Variants in KDM2A observed in about 807,000 individuals in gnomAD.
KDM2A encodes the protein lysine demethylase 2A.
Under a neutral mutation model 137.3 loss-of-function variants are expected in KDM2A, and 3 were observed. That is an observed-to-expected ratio of 0.02 (90% CI 0.01 to 0.06). The LOEUF (loss-of-function observed/expected upper bound fraction) is 0.06. KDM2A is among the 10% of genes least tolerant of loss of function. KDM2A has a pLI of 1.00. For missense variants in KDM2A, 738 were observed against 1,510.6 expected, an observed-to-expected ratio of 0.49 and a Z score of 8.48; for synonymous variants, 512 against 541.5, an observed-to-expected ratio of 0.95 and a Z score of 0.76.
intron 5 of KDM2A, among the ~76,000 whole-genome samples, chr11:67,186,029 C>T (rs1857197153): frequency 6.6e-6 from 1 of 151,960 alleles, no homozygotes; most frequent in Non-Finnish European, 1.5e-5. Flanking sequence ...GACCAACATA[C>T]ACATTATAGA....
intron 17 of KDM2A, among the ~76,000 whole-genome samples, chr11:67,251,624 C>G (rs1299194383): frequency 1.3e-5 from 2 of 152,196 alleles, no homozygotes; most frequent in Non-Finnish European, 2.9e-5. Context: ...TCATAGGCCT[C>G]TTAAATCAGA....
rs1590781518 is a variant in KDM2A, at chr11:67,203,713, C to T, written c.308-3797C>T. Among the ~76,000 whole-genome samples the T allele has an allele frequency of 2.7e-5, 4 of 150,940 alleles. No homozygotes were observed. In the Middle Eastern group the frequency reaches 0.014, roughly 524 times the overall value. On this transcript the variant is annotated intron_variant, in intron 5 of 20. Transcript: ENST00000529006. The stretch of plus-strand genomic sequence containing the variant: ...AGGTTGCATTGAGTCTAGATTGTGC[C>T]ACTGCACTCCAGCCTGGGTGACAGA...
rs1227629779 is a variant in KDM2A, at chr11:67,231,761, C to G, written c.1280C>G (p.Ser427Cys). 7 of 1,613,920 alleles carry G rather than the reference C, an allele frequency of 4.3e-6. No individual in the cohort carries two copies. Among genetic ancestry groups the G allele is most frequent in the Non-Finnish European group, 5.9e-6 (7 of 1,179,904 alleles). ...LKKTLAGDSS[S>C]DCSRGSHNGQ... ...AAAACTTTGGCTGGGGACTCATCTT[C>G]TGACTGTAGCCGGGGCTCCCACAAT... is the stretch of plus-strand genomic sequence containing the variant. The change falls in exon 12 of 21, where the codon TCT (serine) becomes TGT (cysteine). Residue 427 changes from serine to cysteine, a missense_variant. Coordinates refer to ENST00000529006, the MANE Select transcript of KDM2A (RefSeq NM_012308.3).
At position 67,255,353 on chromosome 11, in the gene KDM2A, G is replaced by T; in HGVS notation, c.*298G>T. 2.2e-6 allele frequency: 1 copy of T among 462,760 alleles called. No individual in the cohort carries two copies. Among genetic ancestry groups the T allele is most frequent in the East Asian group, 4.8e-5 (1 of 20,680 alleles). 28.7% of individuals were successfully genotyped at this position (462,760 alleles called of 1,614,324 possible). ...CGCCTGCCAGGAGGCCGGGCTCTCAGTTTGGGGTGTTTGTGCAACCTTCAT... is the reference window on the plus strand; with the variant it reads ...CGCCTGCCAGGAGGCCGGGCTCTCATTTTGGGGTGTTTGTGCAACCTTCAT... On this transcript the variant is annotated 3_prime_UTR_variant, in exon 21 of 21. Coordinates refer to ENST00000529006, the MANE Select transcript of KDM2A (RefSeq NM_012308.3).
chr11:67,188,693 A>G (rs933427750), intron 5 of KDM2A, among the ~76,000 whole-genome samples: 1 of 147,988 alleles, frequency 6.8e-6, no homozygotes, highest in African/African-American at 2.5e-5. Context: ...CAGGAAGCTG[A>G]GGTGGGAGTG....
At chr11:67,190,131 C>T (rs918422943) in intron 5 of KDM2A, among the ~76,000 whole-genome samples, 7 of 151,972 alleles carry the variant, frequency 4.6e-5, no homozygotes, top group African/African-American at 1.7e-4. Flanking sequence ...AAGTGAGGGC[C>T]GAGCGCGGTG....
chr11:67,177,878 ATGTGT>A (rs2136332332), intron 2 of KDM2A, among the ~76,000 whole-genome samples: 1 of 152,292 alleles, frequency 6.6e-6, no homozygotes, highest in African/African-American at 2.4e-5. Context: ...AACGAGAGTA[ATGTGT>A]TGTGCTATGA....
chr11:67,195,592 A>G (rs1018133205), intron 5 of KDM2A: 2 of 154,578 alleles, frequency 1.3e-5, no homozygotes, highest in Admixed American at 1.3e-4. Context: ...CTCTGGTGTA[A>G]TAGAGCTGTA....
Position 67,121,366 on chromosome 11 carries a change from T to C in KDM2A, c.42+8T>C. ...CGTTACAGCCAGAGATTGGTTAGTA[T>C]TTTCTCCCCCCACCACACCCTCCAG... On this transcript the variant is annotated splice_region_variant and intron_variant, in intron 2 of 20. Coordinates refer to ENST00000529006, the MANE Select transcript of KDM2A (RefSeq NM_012308.3). The C allele has an allele frequency of 5.6e-6, 9 of 1,612,844 alleles. No individual in the cohort carries two copies. Among genetic ancestry groups the C allele is most frequent in the Admixed American group, 3.3e-5 (2 of 60,002 alleles).
In KDM2A at chr11:67,137,498, AACT is replaced by A. The variant is rs555216088; in HGVS notation, c.42+16142_42+16144del. 6.3e-4 allele frequency among the ~76,000 whole-genome samples: 96 copies of A among 152,296 alleles called. 1 individual carries two copies. Among genetic ancestry groups the A allele is most frequent in the Non-Finnish European group, 1.1e-3 (76 of 68,034 alleles). On this transcript the variant is annotated intron_variant, in intron 2 of 20. Transcript: ENST00000529006. ...GAGATTCTATGATTGATTCTATGAG[AACT>A]ATATATGAAATAGAATCATGGGACT...
At chr11:67,134,818 A>C (rs77112375) in intron 2 of KDM2A, among the ~76,000 whole-genome samples, 2,138 of 152,214 alleles carry the variant, frequency 0.014, 24 homozygotes, top group Non-Finnish European at 0.021. Flanking sequence ...AATTTTAGAT[A>C]AATCTAACAC....
At position 67,250,461 on chromosome 11, in the gene KDM2A, C is replaced by T. The variant is rs1859381224; in HGVS notation, c.2431C>T (p.His811Tyr). 2 of 1,613,944 alleles carry T rather than the reference C, an allele frequency of 1.2e-6. No individual in the cohort carries two copies. The highest frequency in any genetic ancestry group is 1.3e-5 in the African/African-American group (1 of 74,936). The stretch of plus-strand genomic sequence containing the variant: ...GCTACAGAGGCCCACCAAAGAGCTC[C>T]ACGGGACATCCATTGTGCCCAAGCT... ...VTLQRPTKEL[H>Y]GTSIVPKLQA... Residue 811 changes from histidine (H) to tyrosine (Y), a missense_variant, in exon 17 of 21, where the codon CAC becomes TAC. By Grantham distance (83) the His-to-Tyr change is moderately conservative. Coordinates refer to ENST00000529006, the MANE Select transcript of KDM2A (RefSeq NM_012308.3). This position sits in a 1 kb window ranked among gnomAD's most constrained non-coding sequence, Gnocchi z 7.1.
intron 2 of KDM2A, among the ~76,000 whole-genome samples, chr11:67,152,196 C>T (rs1856407412): frequency 6.6e-6 from 1 of 152,144 alleles, no homozygotes; most frequent in Non-Finnish European, 1.5e-5. Flanking sequence ...ACCTGTGCTT[C>T]CAGCTACTTG....
chr11:67,139,503 C>A (rs11227705), intron 2 of KDM2A, among the ~76,000 whole-genome samples: 1 of 151,940 alleles, frequency 6.6e-6, no homozygotes, highest in African/African-American at 2.4e-5. Context: ...CCTCGGCCCC[C>A]CAAAGTGCTA....
intron 9 of KDM2A, among the ~76,000 whole-genome samples, chr11:67,218,096 G>A (rs908441873): frequency 6.6e-6 from 1 of 152,148 alleles, no homozygotes; most frequent in African/African-American, 2.4e-5. Flanking sequence ...TATGAGAATT[G>A]CCAGCAGAGG....
In KDM2A at chr11:67,254,101, T is replaced by A; in HGVS notation, c.3092-102T>A. On this transcript the variant is annotated intron_variant, in intron 19 of 20. Coordinates refer to ENST00000529006, the MANE Select transcript of KDM2A (RefSeq NM_012308.3). The surrounding 1 kb of genome is among the most constrained non-coding windows in gnomAD (Gnocchi z 4.7). ...GGTGTGGGCAGTTCTACTTAACCCC[T>A]TCAAGGGGGCCTGGCCAGCAAGTAG... is the stretch of plus-strand genomic sequence containing the variant. 1 of 1,077,098 alleles carries A rather than the reference T, an allele frequency of 9.3e-7. No individual in the cohort carries two copies. Among genetic ancestry groups the A allele is most frequent in the South Asian group, 1.5e-5 (1 of 66,282 alleles). 66.7% of individuals were successfully genotyped at this position (1,077,098 alleles called of 1,614,324 possible). A position where few individuals can be genotyped will look rare whatever the true frequency, so the allele number is the denominator to read the frequency against.
At chr11:67,154,122 C>T (rs990806023) in intron 2 of KDM2A, among the ~76,000 whole-genome samples, 8 of 152,082 alleles carry the variant, frequency 5.3e-5, no homozygotes, top group Non-Finnish European at 7.4e-5. Context: ...CTTCAGTCCA[C>T]GTTTATGCAT....
chr11:67,213,549 G>A (rs1858060624), intron 6 of KDM2A, among the ~76,000 whole-genome samples: 2 of 152,038 alleles, frequency 1.3e-5, no homozygotes, highest in South Asian at 4.1e-4. Flanking sequence ...CCTGAGATCA[G>A]AAGTTCGAGA....
At chr11:67,193,280 G>A (rs1049990276) in intron 5 of KDM2A, among the ~76,000 whole-genome samples, 3 of 152,250 alleles carry the variant, frequency 2.0e-5, no homozygotes, top group South Asian at 2.1e-4. Flanking sequence ...GTGAGCCACC[G>A]CACCTGGCCG....
Sources: allele counts gnomAD v4.1 joint callset (sites outside exome capture counted in the v4.1 genomes callset), GRCh38; gene constraint gnomAD v4.1.1; non-coding constraint Gnocchi (gnomAD v3.1); transcripts MANE v1.5; gene names NCBI Gene and HGNC (gene_info 2026-07-23, HGNC 2026-07-21).